The following FRA10AC1 variants were observed in gnomAD, a reference collection of about 807,000 sequenced individuals.
FRA10AC1 encodes FRA10A associated CGG repeat 1, also known as protein FRA10AC1.
Under a neutral mutation model 56.5 loss-of-function variants are expected in FRA10AC1, and 43 were observed. That is an observed-to-expected ratio of 0.76 (90% confidence interval 0.60 to 0.98). The LOEUF (loss-of-function observed/expected upper bound fraction) is 0.98. FRA10AC1 is among the 50% of genes least tolerant of loss of function. The probability of loss-of-function intolerance (pLI) is 0.00; values close to 1 mark genes in which losing one functional copy is unlikely to be tolerated. For missense variants in FRA10AC1, 346 were observed against 351.8 expected (o/e 0.98, Z 0.13); for synonymous variants, 112 against 110.5 (o/e 1.01, Z -0.09).
Position 93,669,840 on chromosome 10 carries a change from C to T in FRA10AC1, c.934G>A (p.Asp312Asn), listed in dbSNP as rs1380509862. 6.3e-7 allele frequency: 1 copy of T among 1,580,754 alleles called. No homozygotes were observed. Among genetic ancestry groups the T allele is most frequent in the African/African-American group, 1.4e-5 (1 of 73,330 alleles). Residue 312 changes from aspartate (D) to asparagine (N), a missense_variant, in exon 14 of 14, where the codon GAT becomes AAT. Physicochemically the swap from Asp to Asn is conservative, Grantham distance 23. Transcript: ENST00000359204. ...TCTCTCTCGTCTCATAGAAACAAAT[C>T]CTGAAAATACTCATCAAATTCTTCT... Reference protein sequence around the residue: ...QEEEFDEYFQDLFL With the variant: ...QEEEFDEYFQNLFL
chr10:93,672,029 C>G (rs1419773119), intron 12 of FRA10AC1: 1 of 446,828 alleles, frequency 2.2e-6, no homozygotes, highest in South Asian at 1.6e-5. Context: ...CAGACAATAA[C>G]ACTATAACTC....
At chr10:93,697,925 A>G (rs1421752307) in intron 4 of FRA10AC1, among the ~76,000 whole-genome samples, 1 of 152,192 alleles carries the variant, frequency 6.6e-6, no homozygotes, top group African/African-American at 2.4e-5. Flanking sequence ...AGTACTAGTA[A>G]TATGTTTTAT....
rs1394723461 is a variant in FRA10AC1, at chr10:93,694,920, C to G, written c.237G>C (p.Lys79Asn). The G allele has an allele frequency of 3.9e-6, 6 of 1,534,796 alleles. No individual in the cohort carries two copies. The highest frequency in any genetic ancestry group is 5.4e-6 in the Non-Finnish European group (6 of 1,107,830). ...IAMDAYQRHT[K>N]FVNDYILYYG... The stretch of plus-strand genomic sequence containing the variant: ...AGTATAAAATATAGTCATTTACGAA[C>G]TTTGTATGTCTTTGATACTGAAATG... Residue 79 changes from lysine (K) to asparagine (N), a missense_variant, in exon 5 of 14, where the codon AAG (lysine) becomes AAC (asparagine). By Grantham distance (94) the Lys-to-Asn change is moderately conservative. Coordinates refer to ENST00000359204, the MANE Select transcript of FRA10AC1 (RefSeq NM_145246.5).
intron 10 of FRA10AC1, among the ~76,000 whole-genome samples, chr10:93,682,452 C>T (rs1398195315): frequency 2.0e-5 from 3 of 152,174 alleles, no homozygotes; most frequent in Admixed American, 6.6e-5. Flanking sequence ...TCCCTGCTTT[C>T]TTTCAGTATC....
intron 1 of FRA10AC1, among the ~76,000 whole-genome samples, chr10:93,700,349 C>G (rs1314295479): frequency 1.3e-5 from 2 of 152,164 alleles, no homozygotes; most frequent in Non-Finnish European, 2.9e-5. Context: ...ACAAAGAAGG[C>G]TACTCTTTGA....
At position 93,684,108 on chromosome 10, in the gene FRA10AC1, A is replaced by C; in HGVS notation, c.626-10T>G. 3 of 1,601,220 alleles carry C rather than the reference A, an allele frequency of 1.9e-6. No individual in the cohort carries two copies. The highest frequency in any genetic ancestry group is 1.1e-5 in the South Asian group (1 of 90,396). ...CATTCTTGGCATAACCCTAAAAAGA[A>C]AAGACACCACTGAATGGCTGATTTT... is the stretch of plus-strand genomic sequence containing the variant. On this transcript the variant is annotated splice_polypyrimidine_tract_variant and intron_variant, in intron 9 of 13. Transcript: ENST00000359204.
intron 6 of FRA10AC1, among the ~76,000 whole-genome samples, 188 bp downstream of exon 6, chr10:93,692,458 A>T (rs1466492044): frequency 1.3e-5 from 2 of 152,238 alleles, no homozygotes; most frequent in South Asian, 2.1e-4. Flanking sequence ...GACTAAGTCA[A>T]ACAATGAGAA....
rs143347579 is a variant in FRA10AC1, at chr10:93,700,754, G to C, written c.1-648C>G. Among the ~76,000 whole-genome samples the C allele has an allele frequency of 3.3e-5, 5 of 152,248 alleles. 1 individual carries two copies. The highest frequency in any genetic ancestry group is 1.2e-4 in the African/African-American group (5 of 41,544). ...CCTGTAATCTTTTTCAATATATGTA[G>C]AGATTTCCATTTTCTTTTGAGTTTC... is the stretch of plus-strand genomic sequence containing the variant. On this transcript the variant is annotated intron_variant, in intron 1 of 13. Coordinates refer to ENST00000359204, the MANE Select transcript of FRA10AC1 (RefSeq NM_145246.5).
intron 10 of FRA10AC1, 66 bp from the exon 11 acceptor site, chr10:93,681,664 A>C: frequency 7.3e-7 from 1 of 1,372,126 alleles, no homozygotes; most frequent in East Asian, 2.7e-5. Flanking sequence ...AATAACCATC[A>C]TATGAACAAA....
At chr10:93,687,012 AACTTCT>A (rs2059039899) in intron 8 of FRA10AC1, among the ~76,000 whole-genome samples, 1 of 151,914 alleles carries the variant, frequency 6.6e-6, no homozygotes, top group Admixed American at 6.6e-5. Context: ...AGTGATATTT[AACTTCT>A]ACTTTTGAAA....
intron 1 of FRA10AC1, among the ~76,000 whole-genome samples, chr10:93,700,519 T>C (rs1271021958): frequency 6.6e-6 from 1 of 152,244 alleles, no homozygotes; most frequent in Non-Finnish European, 1.5e-5. Flanking sequence ...CTTCTAATTC[T>C]GCAAGTTAGA....
intron 11 of FRA10AC1, among the ~76,000 whole-genome samples, chr10:93,678,439 T>A (rs895790512): frequency 6.6e-6 from 1 of 152,154 alleles, no homozygotes; most frequent in Non-Finnish European, 1.5e-5. Flanking sequence ...GTTGATGGGA[T>A]TACACTGGGA....
chr10:93,688,990 G>A (rs1229627601), intron 7 of FRA10AC1, among the ~76,000 whole-genome samples: 2 of 151,584 alleles, frequency 1.3e-5, no homozygotes, highest in Non-Finnish European at 2.9e-5. Flanking sequence ...TAAGTTCACC[G>A]GATTGTTATA....
intron 1 of FRA10AC1, 80 bp from the exon 2 acceptor site, chr10:93,700,186 C>A: frequency 1.2e-6 from 1 of 805,570 alleles, no homozygotes. Flanking sequence ...AATAAGTTAT[C>A]TTAAACAGCC....
chr10:93,690,533 C>T (rs989914807), intron 7 of FRA10AC1, among the ~76,000 whole-genome samples: 1 of 151,932 alleles, frequency 6.6e-6, no homozygotes. Context: ...CCCACAGTAC[C>T]TAGTCCAGTT....
At chr10:93,677,407 G>C (rs983933292) in intron 11 of FRA10AC1, among the ~76,000 whole-genome samples, 5 of 152,116 alleles carry the variant, frequency 3.3e-5, no homozygotes, top group African/African-American at 4.8e-5. Flanking sequence ...CTTTAGACCA[G>C]ATGAAGAGTA....
chr10:93,689,939 C>T (rs1291532919), intron 7 of FRA10AC1, among the ~76,000 whole-genome samples: 8 of 151,980 alleles, frequency 5.3e-5, no homozygotes, highest in African/African-American at 1.7e-4. Flanking sequence ...TGGTTTTTTT[C>T]GGGGAGTCTT....
chr10:93,692,706 T>A lies in FRA10AC1; in HGVS notation c.320A>T (p.Asp107Val), dbSNP rs770776708. ...GAATCTATGATTTTCTCGTATAACA[T>A]CCAAGTCTGTCTTGTCATTTTCCCT... is the stretch of plus-strand genomic sequence containing the variant. ...RLGENDKTDL[D>V]VIRENHRFLW... The change falls in exon 6 of 14, where the codon GAT becomes GTT. Residue 107 changes from aspartate to valine, a missense_variant. Physicochemically the swap from Asp to Val is radical, Grantham distance 152 (BLOSUM62 -3). Coordinates refer to ENST00000359204, the MANE Select transcript of FRA10AC1 (RefSeq NM_145246.5). The A allele has an allele frequency of 6.3e-7, 1 of 1,589,144 alleles. No homozygotes were observed. The highest frequency in any genetic ancestry group is 8.5e-7 in the Non-Finnish European group (1 of 1,169,820).
intron 10 of FRA10AC1, 21 bp downstream of exon 10, chr10:93,684,035 T>C (rs779578476): frequency 1.3e-6 from 2 of 1,506,146 alleles, no homozygotes; most frequent in Non-Finnish European, 1.8e-6. Flanking sequence ...ACATTAAGAA[T>C]GGCATTTTAA....
Sources: allele counts gnomAD v4.1 joint callset (sites outside exome capture counted in the v4.1 genomes callset), GRCh38; gene constraint gnomAD v4.1.1; transcripts MANE v1.5; gene names NCBI Gene and HGNC (gene_info 2026-07-23, HGNC 2026-07-21).